AKR1A1: variants seen among roughly 807,000 people sequenced by gnomAD.
The protein encoded by AKR1A1 is HEL-S-165mP.
A neutral mutation model predicts 39.2 loss-of-function variants in AKR1A1; 26 were observed. The ratio of observed to expected loss-of-function variants is 0.66; its 90% CI spans 0.49 to 0.92. The LOEUF is 0.92. Among genes scored for constraint, AKR1A1 ranks in the 40% least tolerant of loss-of-function variants. The pLI is 0.00. For synonymous variants in AKR1A1, 141 were observed against 155.5 expected (o/e 0.91, Z 0.69); for missense variants, 378 against 406.5 (o/e 0.93, Z 0.60).
intron 1 of AKR1A1, 147 bp from the exon 2 acceptor site, chr1:45,561,642 G>A (rs934181868): frequency 7.3e-6 from 5 of 680,272 alleles, no homozygotes; most frequent in Admixed American, 2.7e-5. Flanking sequence ...GACCTCAGGT[G>A]ATCTGCCCGC....
At chr1:45,569,274 G>T in intron 8 of AKR1A1, 45 bp downstream of exon 8, 1 of 1,550,998 alleles carries the variant, frequency 6.4e-7, no homozygotes. Flanking sequence ...GTGAGATTTG[G>T]GGTGGGATTC....
chr1:45,552,922 C>T (rs1197150561), intron 1 of AKR1A1, among the ~76,000 whole-genome samples: 4 of 151,338 alleles, frequency 2.6e-5, no homozygotes, highest in South Asian at 2.1e-4. Context: ...GTCAGGAGTT[C>T]GAGACCAGCC....
intron 4 of AKR1A1, 140 bp from the exon 5 acceptor site, chr1:45,567,840 AAG>A: frequency 1.2e-6 from 1 of 808,166 alleles, no homozygotes; most frequent in Non-Finnish European, 1.9e-6. Context: ...AAAAAAAAAA[AAG>A]AAAAAGCATG....
Position 45,569,131 on chromosome 1 carries a change from C to G in AKR1A1, c.826-12C>G, listed in dbSNP as rs577507584. The G allele has an allele frequency of 3.1e-6, 5 of 1,613,574 alleles. No homozygotes were observed. The South Asian group carries it at 5.5e-5, about 18-fold the overall frequency. ...AAAGCTGGCTTTCTTGAACCCCACT[C>G]TCCATCCTCAGGTGTTTGACTTCAC... On this transcript the variant is annotated splice_polypyrimidine_tract_variant and intron_variant, in intron 7 of 8. Transcript: ENST00000351829.
intron 1 of AKR1A1, among the ~76,000 whole-genome samples, chr1:45,561,465 G>A (rs979949075): frequency 7.2e-5 from 11 of 151,952 alleles, no homozygotes; most frequent in South Asian, 6.2e-4. Context: ...GTGCAGTGGC[G>A]CAATCTCAGC....
At chr1:45,557,927 T>TTTTTTTTTGG (rs1644227267) in intron 1 of AKR1A1, among the ~76,000 whole-genome samples, 1 of 148,252 alleles carries the variant, frequency 6.7e-6, no homozygotes, top group African/African-American at 2.5e-5. Flanking sequence ...TTTTTTTTTT[T>TTTTTTTTTGG]GAGATGGAGC....
rs572719037 is a variant in AKR1A1 at position 45,568,585 on chromosome 1, G to A, written c.653G>A (p.Arg218His). The stretch of plus-strand genomic sequence containing the variant: ...TATAGCCCTTTGGGCTCCTCTGATC[G>A]TGCATGGCGTGATCCTGATGAGCCT... ...TAYSPLGSSD[R>H]AWRDPDEPVL... The change falls in exon 6 of 9, where the codon CGT (arginine) becomes CAT (histidine). Residue 218 changes from arginine (R) to histidine (H), a missense_variant. By Grantham distance (29) the Arg-to-His change is conservative. Transcript: ENST00000351829. 2.8e-5 allele frequency: 45 copies of A among 1,614,012 alleles called. No individual in the cohort carries two copies. The highest frequency in any genetic ancestry group is 3.3e-4 in the Middle Eastern group (2 of 5,986).
chr1:45,555,355 C>T (rs983522341), intron 1 of AKR1A1, among the ~76,000 whole-genome samples: 13 of 151,922 alleles, frequency 8.6e-5, no homozygotes, highest in Non-Finnish European at 1.5e-4. Flanking sequence ...GGCGTGGTGG[C>T]GCATGCCTGT....
chr1:45,559,480 C>T (rs1021989632), intron 1 of AKR1A1, among the ~76,000 whole-genome samples: 3 of 152,086 alleles, frequency 2.0e-5, no homozygotes, highest in Admixed American at 1.3e-4. Flanking sequence ...TCTTAAAAAC[C>T]AGTGTCAATA....
intron 1 of AKR1A1, among the ~76,000 whole-genome samples, chr1:45,557,051 G>C (rs1054937730): frequency 6.6e-6 from 1 of 151,550 alleles, no homozygotes; most frequent in South Asian, 2.1e-4. Context: ...TTAGCTGGGC[G>C]TGGTGGCACA....
chr1:45,568,339 A>C lies in AKR1A1; in HGVS notation c.553-146A>C, dbSNP rs530950641. On this transcript the variant is annotated intron_variant, in intron 5 of 8. Transcript: ENST00000351829. ...GCATTGAAGCAGTGGGAGAGAATGA[A>C]ATTGCCGATGGGAAATGGTGAGAAA... The C allele has an allele frequency of 3.2e-6, 4 of 1,236,150 alleles. No homozygotes were observed. The Admixed American group carries it at 8.6e-5, about 27-fold the overall frequency. The allele number at this position is 1,236,150 out of a possible 1,614,324, so 76.6% of individuals were successfully genotyped here.
intron 1 of AKR1A1, among the ~76,000 whole-genome samples, chr1:45,553,518 T>A (rs1270932103): frequency 6.6e-6 from 1 of 152,196 alleles, no homozygotes; most frequent in African/African-American, 2.4e-5. Context: ...ATTTTAAAAT[T>A]CTTTTCACAT....
chr1:45,565,122 A>ATTTTTTTTTTTTTTTTTTTTTTTTTTT (rs11351880), intron 2 of AKR1A1, among the ~76,000 whole-genome samples: 1 of 53,568 alleles, frequency 1.9e-5, no homozygotes, highest in Non-Finnish European at 3.2e-5. Context: ...ACACCCAGCC[A>ATTTTTTTTTTTTTTTTTTTTTTTTTTT]TTTTTTTTTT....
Position 45,569,973 on chromosome 1 carries a change from C to G in AKR1A1, c.*17C>G. The G allele has an allele frequency of 1.2e-6, 2 of 1,612,560 alleles. No homozygotes were observed. Among genetic ancestry groups the G allele is most frequent in the Non-Finnish European group, 1.7e-6 (2 of 1,178,566 alleles). ...CCGTACTGAGACCACAGCTTCTTGG[C>G]CTCCCTTCCAGCTCTGCAGCTAATG... is the stretch of plus-strand genomic sequence containing the variant. On this transcript the variant is annotated 3_prime_UTR_variant, in exon 9 of 9. Coordinates refer to ENST00000351829, the MANE Select transcript of AKR1A1 (RefSeq NM_153326.3).
At chr1:45,561,338 C>G (rs114117722) in intron 1 of AKR1A1, among the ~76,000 whole-genome samples, 2,089 of 152,264 alleles carry the variant, frequency 0.014, 40 homozygotes, top group African/African-American at 0.044. Flanking sequence ...CCTGTCTCTG[C>G]TGCCTTTGCT....
intron 2 of AKR1A1, among the ~76,000 whole-genome samples, chr1:45,563,714 G>A (rs757682199): frequency 2.0e-5 from 3 of 152,146 alleles, no homozygotes; most frequent in Non-Finnish European, 2.9e-5. Context: ...ACTTGAATCC[G>A]GGAGGCGGAG....
intron 1 of AKR1A1, among the ~76,000 whole-genome samples, chr1:45,553,251 G>A (rs368403374): frequency 2.7e-5 from 4 of 148,502 alleles, no homozygotes; most frequent in African/African-American, 5.0e-5. Context: ...GTGAAACCCC[G>A]TCTCTACTAA....
Position 45,568,104 on chromosome 1 carries a change from G to A in AKR1A1, c.479G>A (p.Gly160Asp), listed in dbSNP as rs769362096. Residue 160 changes from glycine to aspartate, a missense_variant, in exon 5 of 9, where the codon GGC (glycine) becomes GAC (aspartate). Coordinates refer to ENST00000351829, the MANE Select transcript of AKR1A1 (RefSeq NM_153326.3). ...LVAKGLVQALGLSNFNSRQID... is the reference protein window; with the variant it reads ...LVAKGLVQALDLSNFNSRQID... ...GCTAAGGGGCTGGTGCAGGCGCTGG[G>A]CCTGTCCAACTTCAACAGTCGGCAG... 7.4e-6 allele frequency: 12 copies of A among 1,614,114 alleles called. No individual in the cohort carries two copies. The highest frequency in any genetic ancestry group is 1.0e-5 in the Non-Finnish European group (12 of 1,180,016).
At chr1:45,556,540 C>T (rs984234972) in intron 1 of AKR1A1, among the ~76,000 whole-genome samples, 1 of 151,416 alleles carries the variant, frequency 6.6e-6, no homozygotes, top group Non-Finnish European at 1.5e-5. Flanking sequence ...AAGATCGTGC[C>T]ACTGTACTCC....
Sources: allele counts gnomAD v4.1 joint callset (sites outside exome capture counted in the v4.1 genomes callset), GRCh38; gene constraint gnomAD v4.1.1; transcripts MANE v1.5; gene names NCBI Gene and HGNC (gene_info 2026-07-23, HGNC 2026-07-21).